NDUFAF7: variants seen among roughly 807,000 people sequenced by gnomAD.
NDUFAF7 encodes the protein NADH:ubiquinone oxidoreductase complex assembly factor 7.
A neutral mutation model predicts 47.2 loss-of-function variants in NDUFAF7; 48 were observed. The observed-to-expected ratio is 1.02, with a 90% CI of 0.81 to 1.29. The LOEUF is 1.29. NDUFAF7 is among the 50% of genes most tolerant of loss of function. NDUFAF7 has a pLI of 0.00. For missense variants in NDUFAF7, 635 were observed against 537.6 expected (o/e 1.18, Z -1.79); for synonymous variants, 217 against 190.0 (o/e 1.14, Z -1.17).
At chr2:37,245,268 C>T (rs937830956) in intron 7 of NDUFAF7, among the ~76,000 whole-genome samples, 2 of 152,152 alleles carry the variant, frequency 1.3e-5, no homozygotes, top group African/African-American at 2.4e-5. Flanking sequence ...GTCATTACTG[C>T]ATTTCTATAA....
chr2:37,250,945 A>G (rs1178243751), downstream of NDUFAF7: 2 of 152,764 alleles, frequency 1.3e-5, no homozygotes, highest in Admixed American at 1.3e-4. Context: ...TGCCTTTACA[A>G]AATTTTTAGA....
downstream of NDUFAF7, among the ~76,000 whole-genome samples, chr2:37,249,558 G>GAGACACACAC (rs1182053399): frequency 7.8e-6 from 1 of 128,422 alleles, no homozygotes; most frequent in African/African-American, 3.3e-5. Flanking sequence ...GCCTGTGATA[G>GAGACACACAC]ACACACACAC....
chr2:37,233,310 A>G (rs1033572680), intron 2 of NDUFAF7, among the ~76,000 whole-genome samples: 1 of 152,216 alleles, frequency 6.6e-6, no homozygotes, highest in Admixed American at 6.5e-5. Flanking sequence ...AGGTGGAGAT[A>G]GAAAGTAGGC....
chr2:37,241,720 T>C lies in NDUFAF7; in HGVS notation c.551T>C (p.Val184Ala), dbSNP rs779945890. ...VPLERNAGSP[V>A]YMKGVTKSGI... ...TTAGAGCGAAATGCTGGATCCCCAG[T>C]GTATATGAAAGGTGTCACTAAGTCT... The change falls in exon 5 of 10, where the codon GTG (valine) becomes GCG (alanine). Residue 184 changes from valine (V) to alanine (A), a missense_variant. Transcript: ENST00000002125. 4.3e-6 allele frequency: 7 copies of C among 1,613,814 alleles called. No homozygotes were observed. The Admixed American group carries it at 1.0e-4, about 23-fold the overall frequency.
chr2:37,245,973 G>T, intron 7 of NDUFAF7, 79 bp from the exon 8 acceptor site: 1 of 1,487,784 alleles, frequency 6.7e-7, no homozygotes, highest in East Asian at 2.4e-5. Context: ...AATGCTCATT[G>T]AGGAAAAACC....
At chr2:37,263,561 G>C in the NDUFAF7 span, among the ~76,000 whole-genome samples, 1 of 152,098 alleles carries the variant, frequency 6.6e-6, no homozygotes, top group Non-Finnish European at 1.5e-5. Context: ...AATGTTTATG[G>C]TGTTATTTGG....
chr2:37,237,374 G>A (rs186698401), intron 3 of NDUFAF7, among the ~76,000 whole-genome samples: 26 of 152,280 alleles, frequency 1.7e-4, no homozygotes, highest in Admixed American at 3.3e-4. Context: ...TGTGCGTATC[G>A]AAAAACATTA....
chr2:37,259,876 A>G, the NDUFAF7 span, among the ~76,000 whole-genome samples: 1 of 152,188 alleles, frequency 6.6e-6, no homozygotes, highest in Non-Finnish European at 1.5e-5. Context: ...TAATTATTTT[A>G]GTTTTTAGCT....
the NDUFAF7 span, chr2:37,260,249 G>A: frequency 1.2e-6 from 2 of 1,609,986 alleles, no homozygotes; most frequent in Non-Finnish European, 1.7e-6. Flanking sequence ...TTAGTAATTC[G>A]TTCTGGAAGC....
chr2:37,270,097 C>G, the NDUFAF7 span, among the ~76,000 whole-genome samples: 1 of 151,968 alleles, frequency 6.6e-6, no homozygotes, highest in African/African-American at 2.4e-5. Flanking sequence ...TGAGATGGTG[C>G]ATGCCTGTAA....
chr2:37,249,509 G>A (rs1246371043), downstream of NDUFAF7, among the ~76,000 whole-genome samples: 6 of 151,228 alleles, frequency 4.0e-5, no homozygotes, highest in South Asian at 4.2e-4. Flanking sequence ...CCCGGGAGGC[G>A]GAGGTTGCAG....
chr2:37,267,469 TTTTG>T, the NDUFAF7 span: 1 of 1,610,910 alleles, frequency 6.2e-7, no homozygotes. Flanking sequence ...GACTTTCTTG[TTTTG>T]TGGGGAATCT....
chr2:37,241,444 G>A, intron 4 of NDUFAF7, 134 bp from the exon 5 acceptor site: 1 of 727,498 alleles, frequency 1.4e-6, no homozygotes, highest in Admixed American at 2.1e-5. Flanking sequence ...CTGCTGGAGA[G>A]TGGCTTGGGT....
chr2:37,253,930 A>G (rs901710525), downstream of NDUFAF7, among the ~76,000 whole-genome samples: 3 of 152,206 alleles, frequency 2.0e-5, no homozygotes, highest in Non-Finnish European at 2.9e-5. Flanking sequence ...TAAATTTGAT[A>G]AATTAATATG....
At position 37,241,576 on chromosome 2, in the gene NDUFAF7, A is replaced by G. The variant is rs1418688574; in HGVS notation, c.409-2A>G. The G allele has an allele frequency of 6.2e-7, 1 of 1,610,990 alleles. No individual in the cohort carries two copies. The highest frequency in any genetic ancestry group is 2.2e-5 in the East Asian group (1 of 44,842). On this transcript the variant is annotated splice_acceptor_variant, in intron 4 of 9. Transcript: ENST00000002125. LOFTEE classifies it high-confidence loss of function. ...ATTTTTTTTTCTTCTTTTGGTATTT[A>G]GGTGTTCACTCAACTTGGATCTGTG...
intron 2 of NDUFAF7, among the ~76,000 whole-genome samples, chr2:37,235,094 A>G (rs1262197274): frequency 2.6e-5 from 4 of 152,164 alleles, no homozygotes; most frequent in African/African-American, 9.7e-5. Context: ...TTAGCTCAGA[A>G]AAGGTGGCAC....
At chr2:37,238,207 A>G (rs921334444) in intron 4 of NDUFAF7, among the ~76,000 whole-genome samples, 2 of 151,924 alleles carry the variant, frequency 1.3e-5, no homozygotes, top group Non-Finnish European at 2.9e-5. Flanking sequence ...CAAGGTGGGC[A>G]GATCACAAGG....
downstream of NDUFAF7, chr2:37,253,126 A>C: frequency 1.3e-6 from 2 of 1,512,394 alleles, no homozygotes; most frequent in South Asian, 2.5e-5. Context: ...TTACACAGCA[A>C]AATATCAGTC....
the NDUFAF7 span, chr2:37,268,065 AT>A: frequency 5.1e-6 from 1 of 196,310 alleles, no homozygotes; most frequent in African/African-American, 2.4e-5. Context: ...TCATTTATTA[AT>A]TCAAATTAAC....
Sources: gnomAD v4.1 joint callset for allele counts (sites outside exome capture counted in the v4.1 genomes callset) on GRCh38, gnomAD v4.1.1 for gene constraint, MANE v1.5 for transcripts, NCBI Gene and HGNC (gene_info 2026-07-23, HGNC 2026-07-21) for gene names.